Variants in GSDMC observed in about 807,000 individuals in gnomAD.
The protein encoded by GSDMC is gasdermin C.
Under a neutral mutation model 58.0 loss-of-function variants are expected in GSDMC, and 59 were observed. The observed-to-expected ratio is 1.02, with a 90% CI of 0.82 to 1.26. The LOEUF is 1.26. GSDMC is among the 50% of genes most tolerant of loss of function. The pLI is 0.00. For missense variants in GSDMC, 659 were observed against 598.5 expected (o/e 1.10, Z -1.06); for synonymous variants, 241 against 220.2 (o/e 1.09, Z -0.83).
At chr8:129,747,490 G>C (rs1213964952), downstream of GSDMC, among the ~76,000 whole-genome samples, 2 of 152,120 alleles carry the variant, frequency 1.3e-5, no homozygotes, top group African/African-American at 4.8e-5. Flanking sequence ...AGAGTGAAGT[G>C]GTGATTAGTC....
intron 6 of GSDMC, among the ~76,000 whole-genome samples, chr8:129,756,123 T>A (rs367727670): frequency 6.8e-6 from 1 of 147,032 alleles, no homozygotes; most frequent in African/African-American, 2.5e-5. Context: ...ACTTCATCTA[T>A]AAAGATACAC....
chr8:129,772,025 G>A (rs2034068623), intron 3 of GSDMC, among the ~76,000 whole-genome samples: 1 of 152,140 alleles, frequency 6.6e-6, no homozygotes, highest in African/African-American at 2.4e-5. Context: ...AGCACTTTAG[G>A]AGGCCAAGGC....
the GSDMC span, among the ~76,000 whole-genome samples, chr8:129,732,347 G>C: frequency 3.3e-5 from 5 of 149,386 alleles, no homozygotes; most frequent in Admixed American, 3.3e-4. Context: ...AAAGCCAAAA[G>C]ACCCTACCCA....
intron 3 of GSDMC, among the ~76,000 whole-genome samples, chr8:129,773,771 G>A (rs1586611751): frequency 7.1e-6 from 1 of 141,544 alleles, no homozygotes; most frequent in Non-Finnish European, 1.5e-5. Context: ...GGGAGACAGA[G>A]TGAGACTCTG....
intron 9 of GSDMC, 48 bp from the exon 10 acceptor site, chr8:129,751,616 T>C: frequency 6.3e-7 from 1 of 1,590,296 alleles, no homozygotes; most frequent in Non-Finnish European, 8.6e-7. Context: ...CCCCCCAAAT[T>C]TGCTTTTCAG....
the GSDMC span, chr8:129,730,056 TA>T: frequency 1.7e-6 from 2 of 1,150,458 alleles, no homozygotes; most frequent in African/African-American, 3.0e-5. Context: ...TCCTTGAAAA[TA>T]AGTAAAGAAG....
chr8:129,759,232 A>C (rs2130417860), intron 6 of GSDMC, among the ~76,000 whole-genome samples: 1 of 152,296 alleles, frequency 6.6e-6, no homozygotes, highest in Non-Finnish European at 1.5e-5. Context: ...TAAAGACTTA[A>C]ATCTAAGGCC....
At chr8:129,771,399 C>A (rs2034045351) in intron 3 of GSDMC, among the ~76,000 whole-genome samples, 1 of 152,094 alleles carries the variant, frequency 6.6e-6, no homozygotes, top group Non-Finnish European at 1.5e-5. Flanking sequence ...GAACATTCTC[C>A]AAAATAGATC....
intron 5 of GSDMC, among the ~76,000 whole-genome samples, 170 bp from the exon 6 acceptor site, chr8:129,760,759 A>G (rs73712935): frequency 6.6e-6 from 1 of 152,150 alleles, no homozygotes; most frequent in South Asian, 2.1e-4. Flanking sequence ...CCTGCATTTA[A>G]ATAAGCAATT....
intron 12 of GSDMC, 31 bp from the exon 13 acceptor site, chr8:129,749,556 G>T (rs757492328): frequency 7.7e-6 from 12 of 1,551,882 alleles, no homozygotes; most frequent in Non-Finnish European, 1.1e-5. Flanking sequence ...GGGAAAGACA[G>T]TAGTGAAGAA....
At chr8:129,770,249 C>A (rs2034004142) in intron 3 of GSDMC, among the ~76,000 whole-genome samples, 1 of 152,194 alleles carries the variant, frequency 6.6e-6, no homozygotes, top group Non-Finnish European at 1.5e-5. Flanking sequence ...AATCTCAGCA[C>A]TTTGGGAGTC....
intron 5 of GSDMC, among the ~76,000 whole-genome samples, chr8:129,760,828 A>C (rs2033632108): frequency 1.3e-5 from 2 of 152,212 alleles, no homozygotes; most frequent in Non-Finnish European, 2.9e-5. Flanking sequence ...AAAGGAACTC[A>C]GCTCCCTTTG....
chr8:129,731,447 T>C, the GSDMC span, among the ~76,000 whole-genome samples: 1 of 152,206 alleles, frequency 6.6e-6, no homozygotes, highest in African/African-American at 2.4e-5. Flanking sequence ...TCTCAGTAGA[T>C]GTTTGTGTTT....
downstream of GSDMC, among the ~76,000 whole-genome samples, chr8:129,745,189 A>G (rs1457464067): frequency 6.6e-6 from 1 of 152,222 alleles, no homozygotes; most frequent in Non-Finnish European, 1.5e-5. Flanking sequence ...CTCTCAATCT[A>G]TTAGCACCAT....
the GSDMC span, chr8:129,730,327 C>A: frequency 7.4e-7 from 1 of 1,351,606 alleles, no homozygotes; most frequent in South Asian, 1.3e-5. Flanking sequence ...ATAAGCAAGT[C>A]ACTGCATGAT....
chr8:129,736,815 A>T, the GSDMC span, among the ~76,000 whole-genome samples: 1 of 152,206 alleles, frequency 6.6e-6, no homozygotes, highest in Non-Finnish European at 1.5e-5. Flanking sequence ...GAAAGAAATG[A>T]AGGGTATTCA....
chr8:129,747,845 G>C (rs1400976295), downstream of GSDMC, among the ~76,000 whole-genome samples: 2 of 152,142 alleles, frequency 1.3e-5, no homozygotes, highest in African/African-American at 4.8e-5. Context: ...TTTCAGCTTA[G>C]GAGGCGAGGT....
At chr8:129,778,357 T>C (rs2034309158) in intron 1 of GSDMC, among the ~76,000 whole-genome samples, 1 of 152,132 alleles carries the variant, frequency 6.6e-6, no homozygotes, top group Non-Finnish European at 1.5e-5. Flanking sequence ...TGGATGCATA[T>C]ATGTCTTCTT....
chr8:129,777,649 C>T (rs993126139), intron 1 of GSDMC, 58 bp from the exon 2 acceptor site: 1 of 870,416 alleles, frequency 1.1e-6, no homozygotes, highest in Non-Finnish European at 1.9e-6. Flanking sequence ...GTTAAACTCT[C>T]ACCAATTATT....
Sources: gnomAD v4.1 joint callset for allele counts (sites outside exome capture counted in the v4.1 genomes callset) on GRCh38, gnomAD v4.1.1 for gene constraint, MANE v1.5 for transcripts, NCBI Gene and HGNC (gene_info 2026-07-23, HGNC 2026-07-21) for gene names.